The following NCK2 variants were observed in gnomAD, a reference collection of about 807,000 sequenced individuals.
NCK2 encodes the protein NCK adaptor protein 2, also known as cytoplasmic protein NCK2.
Under a neutral mutation model 33.9 loss-of-function variants are expected in NCK2, and 16 were observed. The observed-to-expected ratio is 0.47, with a 90% CI of 0.32 to 0.72. NCK2 has a LOEUF of 0.72. Ranked by LOEUF, NCK2 falls within the 30% of genes least tolerant of loss-of-function variation. The probability of loss-of-function intolerance (pLI) is 0.03; values close to 1 mark genes in which losing one functional copy is unlikely to be tolerated. For missense variants in NCK2, 418 were observed against 537.3 expected (o/e 0.78, Z 2.19); for synonymous variants, 273 against 239.9 (o/e 1.14, Z -1.27).
At chr2:105,770,783 C>A (rs17031736) in intron 1 of NCK2, among the ~76,000 whole-genome samples, 2 of 152,096 alleles carry the variant, frequency 1.3e-5, no homozygotes, top group African/African-American at 4.8e-5. Context: ...TGTATTTCTA[C>A]CCCTTTAAAG....
intron 2 of NCK2, among the ~76,000 whole-genome samples, chr2:105,841,559 G>T (rs1350478730): frequency 6.6e-6 from 1 of 152,136 alleles, no homozygotes; most frequent in Admixed American, 6.5e-5. Flanking sequence ...CATTGCATAG[G>T]CATGACTGGT....
intron 1 of NCK2, among the ~76,000 whole-genome samples, chr2:105,759,659 G>A (rs1026440885): frequency 6.6e-6 from 1 of 152,104 alleles, no homozygotes; most frequent in South Asian, 2.1e-4. Context: ...GTACATTATT[G>A]TTAAGTCCAT....
chr2:105,796,442 G>C (rs902432314), intron 1 of NCK2, among the ~76,000 whole-genome samples: 2 of 152,204 alleles, frequency 1.3e-5, no homozygotes, highest in African/African-American at 4.8e-5. Flanking sequence ...GCTGTTTTAA[G>C]GGTCATGTAT....
chr2:105,795,316 C>T (rs895174004), intron 1 of NCK2, among the ~76,000 whole-genome samples: 54 of 151,826 alleles, frequency 3.6e-4, no homozygotes, highest in African/African-American at 1.3e-3. Flanking sequence ...TTTTTTTCCT[C>T]AAATAAGCAA....
chr2:105,869,058 G>A (rs927057855), intron 3 of NCK2, among the ~76,000 whole-genome samples: 1 of 152,310 alleles, frequency 6.6e-6, no homozygotes, highest in African/African-American at 2.4e-5. Flanking sequence ...ATACGATCCA[G>A]CCCCGCTGCC....
chr2:105,863,002 T>C (rs1049080204), intron 3 of NCK2, among the ~76,000 whole-genome samples: 1 of 151,772 alleles, frequency 6.6e-6, no homozygotes, highest in Non-Finnish European at 1.5e-5. Context: ...ACTTAGAACA[T>C]GAGAATAATA....
chr2:105,774,257 C>T (rs1223112315), intron 1 of NCK2, among the ~76,000 whole-genome samples: 1 of 152,050 alleles, frequency 6.6e-6, no homozygotes, highest in Non-Finnish European at 1.5e-5. Flanking sequence ...TATCCCCCCG[C>T]CTCAGTCCTC....
chr2:105,887,343 C>A (rs1217570764), intron 4 of NCK2, among the ~76,000 whole-genome samples: 1 of 152,192 alleles, frequency 6.6e-6, no homozygotes, highest in African/African-American at 2.4e-5. Flanking sequence ...AAAAACATGT[C>A]TTTACCAAAA....
intron 2 of NCK2, among the ~76,000 whole-genome samples, chr2:105,824,297 A>T (rs954719101): frequency 6.6e-6 from 1 of 152,198 alleles, no homozygotes; most frequent in East Asian, 1.9e-4. Flanking sequence ...TGAGTGGGAA[A>T]TGCAGCAGAT....
At chr2:105,832,095 G>T (rs1313135917) in intron 2 of NCK2, among the ~76,000 whole-genome samples, 1 of 151,988 alleles carries the variant, frequency 6.6e-6, no homozygotes, top group African/African-American at 2.4e-5. Flanking sequence ...GGTTAAATTT[G>T]TTCTTAGGTA....
At chr2:105,807,612 C>T (rs935854238) in intron 1 of NCK2, among the ~76,000 whole-genome samples, 14 of 152,024 alleles carry the variant, frequency 9.2e-5, no homozygotes, top group African/African-American at 2.2e-4. Flanking sequence ...GTTGGAGTCA[C>T]GCTGGGCAGC....
chr2:105,858,151 A>T (rs1346086188), intron 3 of NCK2, among the ~76,000 whole-genome samples: 3 of 151,556 alleles, frequency 2.0e-5, no homozygotes, highest in Non-Finnish European at 4.4e-5. Flanking sequence ...CATCAGAATG[A>T]CAGTATGACT....
chr2:105,760,542 A>G (rs1002120843), intron 1 of NCK2, among the ~76,000 whole-genome samples: 2 of 152,074 alleles, frequency 1.3e-5, no homozygotes, highest in South Asian at 2.1e-4. Context: ...ACCTAGCTCT[A>G]AGGCTCCCCG....
chr2:105,869,304 A>AAC (rs1677892815), intron 3 of NCK2, among the ~76,000 whole-genome samples: 3 of 152,162 alleles, frequency 2.0e-5, no homozygotes, highest in Admixed American at 6.5e-5. Flanking sequence ...TGGGGATGAC[A>AAC]ACACAATGGC....
At chr2:105,777,201 A>G (rs2062657) in intron 1 of NCK2, among the ~76,000 whole-genome samples, 123,280 of 151,986 alleles carry the variant, frequency 0.81, 50,169 homozygotes, top group East Asian at 0.88. Context: ...TACTCTCGTC[A>G]CTGCTGCTTT....
intron 1 of NCK2, among the ~76,000 whole-genome samples, chr2:105,779,891 A>G (rs916095985): frequency 6.6e-6 from 1 of 152,180 alleles, no homozygotes. Flanking sequence ...CCTGAATGCC[A>G]TAGCCTACGA....
rs1352679713 is a variant in NCK2 at position 105,830,717 on chromosome 2, T to TGTGTGTGTGTGTG, written c.-17+14104_-17+14105insGTGTGTGTGTGTG. On this transcript the variant is annotated intron_variant, in intron 2 of 4. Transcript: ENST00000233154. ...TGTGTGTGTGTGTGTGTGTGTGTGT[T>TGTGTGTGTGTGTG]TGGTCTGATAATACCATTCTCATTG... Among the ~76,000 whole-genome samples, 731 of 97,714 alleles carry TGTGTGTGTGTGTG rather than the reference T, an allele frequency of 7.5e-3. 9 individuals carry two copies. Among genetic ancestry groups the TGTGTGTGTGTGTG allele is most frequent in the Admixed American group, 0.01 (98 of 9,698 alleles). The allele number at this position is 97,714 out of a possible 152,430, so 64.1% of individuals were successfully genotyped here. A position where few individuals can be genotyped will look rare whatever the true frequency, so the allele number is the denominator to read the frequency against.
intron 2 of NCK2, among the ~76,000 whole-genome samples, chr2:105,824,240 A>AT: frequency 6.6e-6 from 1 of 150,376 alleles, no homozygotes; most frequent in Non-Finnish European, 1.5e-5. Flanking sequence ...TCACGTTTCC[A>AT]TAGAGTACTG....
intron 2 of NCK2, among the ~76,000 whole-genome samples, chr2:105,850,467 G>T (rs1026878833): frequency 1.3e-5 from 2 of 152,274 alleles, no homozygotes; most frequent in East Asian, 3.9e-4. Flanking sequence ...GGTTCTGAGA[G>T]CTGTTTTTCC....
Sources: gnomAD v4.1 joint callset for allele counts (sites outside exome capture counted in the v4.1 genomes callset) on GRCh38, gnomAD v4.1.1 for gene constraint, MANE v1.5 for transcripts, NCBI Gene and HGNC (gene_info 2026-07-23, HGNC 2026-07-21) for gene names.